The following BRI3 variants were observed in gnomAD, a reference collection of about 807,000 sequenced individuals.
The protein encoded by BRI3 is brain protein I3.
BRI3 carries 6 observed loss-of-function variants against 12.8 expected under a neutral mutation model. The observed-to-expected ratio is 0.47, with a 90% confidence interval of 0.26 to 0.93. The LOEUF is 0.93. BRI3 is among the 40% of genes least tolerant of loss of function. The probability of loss-of-function intolerance (pLI) is 0.15; values close to 1 mark genes in which losing one functional copy is unlikely to be tolerated. For synonymous variants in BRI3, 91 were observed against 76.1 expected, an observed-to-expected ratio of 1.20 and a Z score of -1.02; for missense variants, 134 against 171.1, an observed-to-expected ratio of 0.78 and a Z score of 1.21.
At chr7:98,304,667 C>G (rs1329715601), upstream of BRI3, among the ~76,000 whole-genome samples, 1 of 152,078 alleles carries the variant, frequency 6.6e-6, no homozygotes, top group Non-Finnish European at 1.5e-5. Context: ...TCTGCTTCAG[C>G]CTCCTGAGTA....
downstream of BRI3, chr7:98,292,318 T>C: frequency 3.0e-6 from 1 of 338,862 alleles, no homozygotes; most frequent in Non-Finnish European, 5.6e-6. Flanking sequence ...GCCTCCCGGG[T>C]TCAAGTGATT....
chr7:98,293,448 G>A (rs555269730), downstream of BRI3: 36 of 1,393,266 alleles, frequency 2.6e-5, no homozygotes, highest in Middle Eastern at 2.5e-4. Flanking sequence ...CCGTCAGCAC[G>A]TGGCAGACAG....
downstream of BRI3, chr7:98,291,674 T>A: frequency 3.3e-6 from 1 of 298,542 alleles, no homozygotes; most frequent in Non-Finnish European, 5.1e-6. Flanking sequence ...GCTTTATTAT[T>A]AAAGTTGTAA....
chr7:98,291,314 T>A lies in BRI3; in HGVS notation c.*71T>A, dbSNP rs1288637416. 1 of 1,587,348 alleles carries A rather than the reference T, an allele frequency of 6.3e-7. No individual in the cohort carries two copies. The highest frequency in any genetic ancestry group is 8.6e-7 in the Non-Finnish European group (1 of 1,165,252). On this transcript the variant is annotated 3_prime_UTR_variant, in exon 3 of 3. Transcript: ENST00000297290. ...AATGTAAATGTTGTGTACAATAATT[T>A]TATTTGATTAAGCTTCAGGACTGTT...
At chr7:98,290,178 G>GTTTTTTTTTTTTTTTTTTTT (rs1200763476) in intron 2 of BRI3, among the ~76,000 whole-genome samples, 1 of 92,280 alleles carries the variant, frequency 1.1e-5, no homozygotes, top group African/African-American at 3.5e-5. Flanking sequence ...GCCTCTCAAG[G>GTTTTTTTTTTTTTTTTTTTT]TTGTTTTTTT....
At chr7:98,304,127 AG>A, upstream of BRI3, 1 of 1,457,054 alleles carries the variant, frequency 6.9e-7, no homozygotes, top group Admixed American at 2.6e-5. Context: ...CGGTCACCAC[AG>A]GACCTGCGCC....
At chr7:98,300,575 G>A (rs560796638) in intron 1 of BRI3, among the ~76,000 whole-genome samples, 22 of 152,312 alleles carry the variant, frequency 1.4e-4, no homozygotes, top group South Asian at 6.2e-4. Flanking sequence ...CTAACCTGCC[G>A]TGGGCCTTGG....
chr7:98,317,538 C>T, the BRI3 span, among the ~76,000 whole-genome samples: 4 of 150,312 alleles, frequency 2.7e-5, no homozygotes, highest in Non-Finnish European at 4.4e-5. Context: ...TCCTGCTGGC[C>T]GGGGTCCCAT....
At chr7:98,318,102 G>A in the BRI3 span, among the ~76,000 whole-genome samples, 1 of 152,124 alleles carries the variant, frequency 6.6e-6, no homozygotes, top group Non-Finnish European at 1.5e-5. Context: ...CCACACACTG[G>A]TTAGAGCCCT....
chr7:98,293,554 C>T, downstream of BRI3: 2 of 1,613,908 alleles, frequency 1.2e-6, no homozygotes, highest in Non-Finnish European at 1.7e-6. Flanking sequence ...GATCATTCGT[C>T]ACAGTCGGGC....
chr7:98,313,612 G>A (rs1800959508), downstream of BRI3, among the ~76,000 whole-genome samples: 1 of 152,038 alleles, frequency 6.6e-6, no homozygotes, highest in South Asian at 2.1e-4. Context: ...TTCCTTTGCT[G>A]TAACCATTTT....
chr7:98,319,796 C>G, the BRI3 span, among the ~76,000 whole-genome samples: 4 of 152,158 alleles, frequency 2.6e-5, no homozygotes, highest in Non-Finnish European at 5.9e-5. Flanking sequence ...AGTGATCCGC[C>G]TGCCTTGGCC....
chr7:98,295,886 G>A (rs892931273), downstream of BRI3, among the ~76,000 whole-genome samples: 3 of 152,182 alleles, frequency 2.0e-5, no homozygotes, highest in African/African-American at 7.2e-5. Context: ...GACTGAGGAG[G>A]AAAAAGAACG....
At chr7:98,296,520 G>C (rs1262218394), downstream of BRI3, among the ~76,000 whole-genome samples, 2 of 152,194 alleles carry the variant, frequency 1.3e-5, no homozygotes, top group East Asian at 1.9e-4. Context: ...AGCTACTCAG[G>C]AGGCTGAGGC....
At chr7:98,299,992 G>C (rs1431381624) in intron 1 of BRI3, among the ~76,000 whole-genome samples, 2 of 152,192 alleles carry the variant, frequency 1.3e-5, no homozygotes, top group African/African-American at 4.8e-5. Flanking sequence ...TGTGAACCAA[G>C]ATCATGCCAC....
intron 1 of BRI3, 44 bp from the exon 2 acceptor site, chr7:98,282,307 A>G (rs1201714781): frequency 7.9e-6 from 12 of 1,526,396 alleles, no homozygotes; most frequent in Non-Finnish European, 1.1e-5. Context: ...TGGCGGTCCG[A>G]TTTCTCCTCC....
At chr7:98,292,744 T>C (rs1800021876), downstream of BRI3, 6 of 1,551,068 alleles carry the variant, frequency 3.9e-6, no homozygotes. Flanking sequence ...TGGTAATGGA[T>C]GCAGCTTTGG....
the BRI3 span, among the ~76,000 whole-genome samples, chr7:98,316,267 ATC>A: frequency 3.3e-5 from 5 of 151,506 alleles, no homozygotes; most frequent in South Asian, 4.2e-4. Flanking sequence ...AGTCCATTAA[ATC>A]TCTTTCTTTT....
intron 1 of BRI3, chr7:98,307,424 A>G: frequency 7.7e-7 from 1 of 1,307,166 alleles, no homozygotes; most frequent in Non-Finnish European, 9.8e-7. Flanking sequence ...ATTTTTTTTA[A>G]AAACAAAAGA....
Sources: gnomAD v4.1 joint callset for allele counts (sites outside exome capture counted in the v4.1 genomes callset) on GRCh38, gnomAD v4.1.1 for gene constraint, MANE v1.5 for transcripts, NCBI Gene and HGNC (gene_info 2026-07-23, HGNC 2026-07-21) for gene names.